Variants in STAG1 observed in about 807,000 individuals in gnomAD.
STAG1 encodes cohesin subunit SA-1.
A neutral mutation model predicts 170.9 loss-of-function variants in STAG1; 26 were observed. The observed-to-expected ratio is 0.15, with a 90% CI of 0.11 to 0.21. STAG1 has a LOEUF of 0.21. Among genes scored for constraint, STAG1 ranks in the 10% least tolerant of loss-of-function variants. The pLI is 1.00. For synonymous variants in STAG1, 514 were observed against 497.7 expected (o/e 1.03, Z -0.44); for missense variants, 964 against 1,509.5 (o/e 0.64, Z 5.99).
At chr3:136,603,476 A>G (rs1279222020) in intron 4 of STAG1, among the ~76,000 whole-genome samples, 7 of 152,238 alleles carry the variant, frequency 4.6e-5, no homozygotes, top group Non-Finnish European at 1.0e-4. Context: ...GATAGTGATA[A>G]AAATATACAC....
At chr3:136,564,524 A>G (rs994487471) in intron 5 of STAG1, among the ~76,000 whole-genome samples, 4 of 152,160 alleles carry the variant, frequency 2.6e-5, no homozygotes, top group Admixed American at 1.3e-4. Flanking sequence ...ATGTTCTAAG[A>G]TATGTTTACT....
At chr3:136,748,492 G>A (rs1339987635) in intron 1 of STAG1, among the ~76,000 whole-genome samples, 1 of 152,060 alleles carries the variant, frequency 6.6e-6, no homozygotes, top group African/African-American at 2.4e-5. Context: ...CGCCTCCCAG[G>A]TTCAAGCAAT....
At chr3:136,725,038 C>A (rs935607587) in intron 1 of STAG1, among the ~76,000 whole-genome samples, 36 of 152,106 alleles carry the variant, frequency 2.4e-4, no homozygotes, top group Non-Finnish European at 1.5e-5. Context: ...TTAAAGTGAA[C>A]TAGAAAGGTT....
chr3:136,484,779 G>C (rs1311797729), intron 9 of STAG1, among the ~76,000 whole-genome samples: 1 of 151,482 alleles, frequency 6.6e-6, no homozygotes, highest in African/African-American at 2.4e-5. Flanking sequence ...ATAGTCTCCT[G>C]GTGCGCCGTT....
intron 22 of STAG1, 25 bp downstream of exon 22, chr3:136,398,724 T>C: frequency 6.7e-7 from 1 of 1,500,746 alleles, no homozygotes; most frequent in Non-Finnish European, 9.2e-7. Flanking sequence ...TAATAACCCT[T>C]CTGCCTACAG....
intron 4 of STAG1, among the ~76,000 whole-genome samples, chr3:136,590,468 G>A (rs1409230396): frequency 6.6e-6 from 1 of 151,506 alleles, no homozygotes; most frequent in Non-Finnish European, 1.5e-5. Context: ...ACTCCAGCCT[G>A]GGTGACAGAA....
intron 5 of STAG1, among the ~76,000 whole-genome samples, chr3:136,552,378 T>G (rs533740832): frequency 2.6e-5 from 4 of 152,332 alleles, no homozygotes; most frequent in Admixed American, 2.6e-4. Context: ...ATATACAAGT[T>G]CAGTTTATAA....
chr3:136,478,691 G>C (rs1045018706), intron 9 of STAG1, among the ~76,000 whole-genome samples: 2 of 152,118 alleles, frequency 1.3e-5, no homozygotes, highest in Admixed American at 6.5e-5. Flanking sequence ...CTAGGCTCCT[G>C]TCATTGCTTA....
Position 136,338,143 on chromosome 3 carries a change from A to C in STAG1, c.*111T>G. The C allele has an allele frequency of 1.4e-6, 1 of 737,780 alleles. No homozygotes were observed. Among genetic ancestry groups the C allele is most frequent in the Non-Finnish European group, 2.3e-6 (1 of 431,008 alleles). The allele number at this position is 737,780 out of a possible 1,614,324, so 45.7% of individuals were successfully genotyped here. ...GGGATTGACCTTAATCATTTGATTA[A>C]AAAACAAATCAGATCACATCAAAAG... On this transcript the variant is annotated 3_prime_UTR_variant, in exon 34 of 34. Coordinates refer to ENST00000383202, the MANE Select transcript of STAG1 (RefSeq NM_005862.3).
chr3:136,347,933 G>A (rs1936294338), intron 29 of STAG1, among the ~76,000 whole-genome samples: 1 of 152,170 alleles, frequency 6.6e-6, no homozygotes, highest in Non-Finnish European at 1.5e-5. Context: ...TAATGAGAAG[G>A]CCAGGTCTGA....
chr3:136,713,142 A>G (rs1427797613), intron 1 of STAG1, among the ~76,000 whole-genome samples: 1 of 152,302 alleles, frequency 6.6e-6, no homozygotes, highest in East Asian at 1.9e-4. Context: ...CAATGGTCCC[A>G]AACTAAAAAT....
At chr3:136,411,015 A>G (rs1184516674) in intron 21 of STAG1, among the ~76,000 whole-genome samples, 1 of 152,244 alleles carries the variant, frequency 6.6e-6, no homozygotes, top group East Asian at 1.9e-4. Flanking sequence ...AGATTGCATC[A>G]CTGCACTCCA....
intron 1 of STAG1, among the ~76,000 whole-genome samples, chr3:136,665,919 C>A (rs1941748960): frequency 6.7e-6 from 1 of 148,788 alleles, no homozygotes; most frequent in African/African-American, 2.5e-5. Flanking sequence ...ACTAAAAATA[C>A]AAAAAATTAG....
intron 31 of STAG1, among the ~76,000 whole-genome samples, chr3:136,340,919 ATT>A (rs536188783): frequency 6.6e-6 from 1 of 152,084 alleles, no homozygotes; most frequent in East Asian, 1.9e-4. Flanking sequence ...TGAAGCACAG[ATT>A]TTTTTGAGAC....
intron 1 of STAG1, among the ~76,000 whole-genome samples, chr3:136,645,110 T>C (rs1017573046): frequency 6.6e-6 from 1 of 152,218 alleles, no homozygotes; most frequent in Non-Finnish European, 1.5e-5. Context: ...TGGGTGATTC[T>C]GTATGTAGTT....
intron 22 of STAG1, among the ~76,000 whole-genome samples, chr3:136,381,219 C>G (rs1294130428): frequency 6.6e-6 from 1 of 151,820 alleles, no homozygotes; most frequent in African/African-American, 2.4e-5. Flanking sequence ...ATTTAGATAG[C>G]AACAGATGTG....
intron 1 of STAG1, among the ~76,000 whole-genome samples, chr3:136,655,501 T>C (rs1195821857): frequency 2.0e-5 from 3 of 152,346 alleles, no homozygotes; most frequent in South Asian, 2.1e-4. Context: ...CTGTGGCTTA[T>C]GCATGTAATC....
intron 5 of STAG1, among the ~76,000 whole-genome samples, chr3:136,546,048 C>T (rs1936139869): frequency 1.3e-5 from 2 of 152,116 alleles, no homozygotes; most frequent in Non-Finnish European, 2.9e-5. Context: ...TTACCAAATA[C>T]TAGAATATCA....
chr3:136,663,031 A>G (rs1433520722), intron 1 of STAG1, among the ~76,000 whole-genome samples: 1 of 152,132 alleles, frequency 6.6e-6, no homozygotes, highest in Non-Finnish European at 1.5e-5. Flanking sequence ...CAGTCTGGGC[A>G]GCAGAGTGAG....
Sources: gnomAD v4.1 joint callset for allele counts (sites outside exome capture counted in the v4.1 genomes callset) on GRCh38, gnomAD v4.1.1 for gene constraint, MANE v1.5 for transcripts, NCBI Gene and HGNC (gene_info 2026-07-23, HGNC 2026-07-21) for gene names.